Variants in TMPRSS15 observed in about 807,000 individuals in gnomAD.
TMPRSS15 encodes the protein enteropeptidase.
In TMPRSS15, 128 loss-of-function variants were observed where a neutral mutation model predicts 125.3. The ratio of observed to expected loss-of-function variants is 1.02; its 90% CI spans 0.89 to 1.18. The LOEUF is 1.18. Among genes scored for constraint, TMPRSS15 ranks in the 50% most tolerant of loss-of-function variants. The pLI is 0.00. For missense variants in TMPRSS15, 1,283 were observed against 1,212.7 expected (o/e 1.06, Z -0.86); for synonymous variants, 446 against 423.2 (o/e 1.05, Z -0.66).
intron 21 of TMPRSS15, among the ~76,000 whole-genome samples, chr21:18,283,789 G>C (rs1458611638): frequency 1.3e-5 from 2 of 152,058 alleles, no homozygotes; most frequent in Non-Finnish European, 2.9e-5. Context: ...AGGTATTTCA[G>C]AGAAAGAGCA....
chr21:18,477,447 GATAGAGTCCATTATT>G (rs1323071805), intron 1 of TMPRSS15: 3 of 152,082 alleles, frequency 2.0e-5, no homozygotes, highest in African/African-American at 4.8e-5. Context: ...TCATACAAAT[GATAGAGTCCATTATT>G]ATAAGATATC....
chr21:18,384,080 T>G (rs1015967156), intron 3 of TMPRSS15, among the ~76,000 whole-genome samples: 10 of 152,180 alleles, frequency 6.6e-5, no homozygotes, highest in African/African-American at 2.4e-4. Context: ...CTGAGACCCT[T>G]GTGTTAAAAT....
chr21:18,339,344 G>T (rs2075424687), intron 13 of TMPRSS15, among the ~76,000 whole-genome samples: 1 of 152,012 alleles, frequency 6.6e-6, no homozygotes, highest in Non-Finnish European at 1.5e-5. Flanking sequence ...TCAACCTAAT[G>T]GTAGCTCATT....
At chr21:18,334,109 C>A (rs758256254) in intron 13 of TMPRSS15, among the ~76,000 whole-genome samples, 3 of 152,162 alleles carry the variant, frequency 2.0e-5, no homozygotes, top group Non-Finnish European at 4.4e-5. Context: ...TACCCTCTTC[C>A]TTAATCTCTC....
intron 1 of TMPRSS15, among the ~76,000 whole-genome samples, chr21:18,449,400 C>T (rs1423760457): frequency 6.6e-6 from 1 of 152,086 alleles, no homozygotes; most frequent in Admixed American, 6.6e-5. Context: ...TTCAGAACCA[C>T]TAGTGTGTGT....
chr21:18,467,108 A>C (rs966981133), intron 1 of TMPRSS15, among the ~76,000 whole-genome samples: 2 of 152,208 alleles, frequency 1.3e-5, no homozygotes, highest in Non-Finnish European at 2.9e-5. Flanking sequence ...TGTCCTTTGC[A>C]GGGACATGGA....
At chr21:18,282,960 C>T (rs1377885475) in intron 21 of TMPRSS15, among the ~76,000 whole-genome samples, 1 of 152,156 alleles carries the variant, frequency 6.6e-6, no homozygotes, top group Non-Finnish European at 1.5e-5. Context: ...CCTGCTCCCA[C>T]ATAGGGGAAG....
At chr21:18,481,803 C>G (rs1978987015) in intron 1 of TMPRSS15, among the ~76,000 whole-genome samples, 2 of 151,594 alleles carry the variant, frequency 1.3e-5, no homozygotes, top group African/African-American at 2.4e-5. Context: ...TAAAAACATC[C>G]TTTAATCAAA....
intron 24 of TMPRSS15, 85 bp from the exon 25 acceptor site, chr21:18,270,209 A>G: frequency 8.5e-7 from 1 of 1,177,732 alleles, no homozygotes; most frequent in Admixed American, 1.9e-5. Context: ...AATAAATTAA[A>G]AAATAAAAAT....
At chr21:18,458,381 T>C (rs924879960) in intron 1 of TMPRSS15, among the ~76,000 whole-genome samples, 4 of 152,180 alleles carry the variant, frequency 2.6e-5, no homozygotes, top group Non-Finnish European at 4.4e-5. Context: ...GTTTAGTCAA[T>C]TTACTCATAT....
intron 16 of TMPRSS15, among the ~76,000 whole-genome samples, chr21:18,325,419 ATTAAGGCAGG>A (rs2075278607): frequency 6.6e-6 from 1 of 152,076 alleles, no homozygotes; most frequent in African/African-American, 2.4e-5. Flanking sequence ...TGCCATAAAG[ATTAAGGCAGG>A]CAGCTTTCTG....
intron 8 of TMPRSS15, 23 bp from the exon 9 acceptor site, chr21:18,353,886 G>C (rs769706176): frequency 1.3e-6 from 2 of 1,597,058 alleles, no homozygotes; most frequent in African/African-American, 2.7e-5. Flanking sequence ...ATAAACAACT[G>C]TTATATGTAT....
chr21:18,378,882 A>G (rs1284415643), intron 5 of TMPRSS15, among the ~76,000 whole-genome samples: 1 of 152,132 alleles, frequency 6.6e-6, no homozygotes. Context: ...TGCTTTGGCC[A>G]CAAGTGCTGT....
chr21:18,326,548 A>G lies in TMPRSS15; in HGVS notation c.1805T>C (p.Val602Ala). Residue 602 changes from valine (V) to alanine (A), a missense_variant, in exon 16 of 25, where the codon GTA becomes GCA. By Grantham distance (64) the Val-to-Ala change is moderately conservative. Transcript: ENST00000284885. ...GTTGGTGGTAGAGAACACATCCTTT[A>G]CTGGGCCAGGCCCTGTGTACACAGC... ...LLAVYTGPGPVKDVFSTTNRM... is the reference protein window; with the variant it reads ...LLAVYTGPGPAKDVFSTTNRM... The G allele has an allele frequency of 1.9e-6, 3 of 1,614,126 alleles. No homozygotes were observed. Among genetic ancestry groups the G allele is most frequent in the South Asian group, 2.2e-5 (2 of 91,076 alleles).
At chr21:18,412,641 G>T (rs1274145015) in intron 1 of TMPRSS15, among the ~76,000 whole-genome samples, 1 of 152,178 alleles carries the variant, frequency 6.6e-6, no homozygotes, top group Admixed American at 6.5e-5. Flanking sequence ...CGAGAACAAA[G>T]TGGCCAGGTA....
At chr21:18,321,319 AC>A (rs1449038305) in intron 16 of TMPRSS15, among the ~76,000 whole-genome samples, 14 of 151,754 alleles carry the variant, frequency 9.2e-5, no homozygotes, top group African/African-American at 2.9e-4. Context: ...GCTCCAGAAG[AC>A]AAGTGAAGCA....
In TMPRSS15 at chr21:18,427,811, T is replaced by C. The variant is rs191893276; in HGVS notation, c.11-29482A>G. Among the ~76,000 whole-genome samples, 14 of 151,280 alleles carry C rather than the reference T, an allele frequency of 9.3e-5. No individual in the cohort carries two copies. The East Asian group carries it at 2.7e-3, about 30-fold the overall frequency. On this transcript the variant is annotated intron_variant, in intron 1 of 7. Transcript: ENST00000422787. ...CCCAAATGTGGATAAGGCAAAAGAA[T>C]TTTCCACTATGTTATTATTCACAAC...
At chr21:18,478,423 G>A (rs1978919819) in intron 1 of TMPRSS15, among the ~76,000 whole-genome samples, 2 of 151,910 alleles carry the variant, frequency 1.3e-5, no homozygotes, top group African/African-American at 2.4e-5. Flanking sequence ...GAAATAAATA[G>A]GGTAATACAG....
At position 18,315,194 on chromosome 21, in the gene TMPRSS15, A is replaced by G. The variant is rs555897866; in HGVS notation, c.1984T>C (p.Cys662Arg). Residue 662 changes from cysteine (C) to arginine (R), a missense_variant, in exon 17 of 25, where the codon TGT (cysteine) becomes CGT (arginine). By Grantham distance (180) the Cys-to-Arg change is radical (BLOSUM62 -3). Coordinates refer to ENST00000284885, the MANE Select transcript of TMPRSS15 (RefSeq NM_002772.3). ...TCCTCACAGTGCAGATGACCGTCAC[A>G]GAGATTCACCAGTGGAACACACTCT... ...NGECVPLVNL[C>R]DGHLHCEDGS... The G allele has an allele frequency of 1.2e-6, 2 of 1,613,970 alleles. No individual in the cohort carries two copies. Among genetic ancestry groups the G allele is most frequent in the South Asian group, 2.2e-5 (2 of 91,086 alleles).
Sources: gnomAD v4.1 joint callset for allele counts (sites outside exome capture counted in the v4.1 genomes callset) on GRCh38, gnomAD v4.1.1 for gene constraint, MANE v1.5 for transcripts, NCBI Gene and HGNC (gene_info 2026-07-23, HGNC 2026-07-21) for gene names.